CPVL: variants seen among roughly 807,000 people sequenced by gnomAD.
CPVL encodes carboxypeptidase vitellogenic like.
In CPVL, 51 loss-of-function variants were observed where a neutral mutation model predicts 63.7. That is an observed-to-expected ratio of 0.80 (90% CI 0.64 to 1.01). The LOEUF (loss-of-function observed/expected upper bound fraction) is 1.01. Ranked by LOEUF, CPVL falls within the 50% of genes least tolerant of loss-of-function variation. The pLI is 0.00. For missense variants in CPVL, 530 were observed against 573.1 expected, an observed-to-expected ratio of 0.92 and a Z score of 0.77; for synonymous variants, 195 against 206.0, an observed-to-expected ratio of 0.95 and a Z score of 0.46.
At chr7:29,195,310 G>T (rs1018847158), upstream of CPVL, 2 of 322,598 alleles carry the variant, frequency 6.2e-6, no homozygotes, top group Non-Finnish European at 5.6e-6. Context: ...CAGCTGGAGC[G>T]GGGGCTGGCG....
intron 5 of CPVL, among the ~76,000 whole-genome samples, chr7:29,167,639 A>G (rs1796084827): frequency 6.6e-6 from 1 of 152,116 alleles, no homozygotes; most frequent in African/African-American, 2.4e-5. Context: ...AAAAGTGTGT[A>G]AGTGTTTTTA....
chr7:29,104,806 G>A (rs1787560281), intron 3 of CPVL, among the ~76,000 whole-genome samples: 1 of 152,160 alleles, frequency 6.6e-6, no homozygotes, highest in Non-Finnish European at 1.5e-5. Flanking sequence ...GGGAGGTGTG[G>A]AGAAGACACC....
chr7:29,112,276 G>C (rs1451048367), intron 3 of CPVL, among the ~76,000 whole-genome samples: 1 of 152,076 alleles, frequency 6.6e-6, no homozygotes, highest in Admixed American at 6.5e-5. Context: ...GCTATACAAG[G>C]CCATGGCTGA....
intron 11 of CPVL, among the ~76,000 whole-genome samples, chr7:29,041,613 AAC>A (rs1385820434): frequency 1.3e-5 from 2 of 152,188 alleles, no homozygotes; most frequent in African/African-American, 2.4e-5. Flanking sequence ...TTAATTAACA[AAC>A]ACACATTTGC....
At chr7:29,074,618 G>A (rs1474731786) in intron 7 of CPVL, among the ~76,000 whole-genome samples, 1 of 151,784 alleles carries the variant, frequency 6.6e-6, no homozygotes, top group East Asian at 1.9e-4. Flanking sequence ...GGATCTGGTG[G>A]GAGGTGATTG....
At chr7:29,074,291 T>C (rs1784021420) in intron 7 of CPVL, among the ~76,000 whole-genome samples, 1 of 152,254 alleles carries the variant, frequency 6.6e-6, no homozygotes, top group African/African-American at 2.4e-5. Context: ...TATCCATTCA[T>C]ACTTGTAAGT....
intron 2 of CPVL, among the ~76,000 whole-genome samples, chr7:29,186,185 T>C (rs1387665131): frequency 6.6e-6 from 1 of 152,140 alleles, no homozygotes; most frequent in Non-Finnish European, 1.5e-5. Flanking sequence ...GCCAGGGCCC[T>C]TGGGGTCAGG....
chr7:29,096,439 A>T (rs1584250402), intron 3 of CPVL: 1 of 556,598 alleles, frequency 1.8e-6, no homozygotes, highest in Non-Finnish European at 3.2e-6. Flanking sequence ...TCTTCTTATC[A>T]TGCAGTCAAG....
At chr7:29,166,441 G>A (rs1258321591) in intron 5 of CPVL, among the ~76,000 whole-genome samples, 1 of 152,068 alleles carries the variant, frequency 6.6e-6, no homozygotes, top group Non-Finnish European at 1.5e-5. Context: ...ATCTTGGCTT[G>A]ATGTGTTTTC....
At chr7:29,082,632 A>T (rs943803495) in intron 7 of CPVL, 3 of 152,220 alleles carry the variant, frequency 2.0e-5, no homozygotes, top group African/African-American at 4.8e-5. Context: ...ATCTCCTGAC[A>T]ATGGCATCTC....
chr7:29,190,598 G>GAT (rs1782765381), intron 1 of CPVL, among the ~76,000 whole-genome samples: 3 of 152,186 alleles, frequency 2.0e-5, no homozygotes, highest in African/African-American at 7.2e-5. Flanking sequence ...GTGAAGGAGG[G>GAT]TGGGGTGGGG....
At chr7:29,077,544 T>C (rs1232146583) in intron 7 of CPVL, among the ~76,000 whole-genome samples, 1 of 152,154 alleles carries the variant, frequency 6.6e-6, no homozygotes, top group Non-Finnish European at 1.5e-5. Flanking sequence ...AGGGTCATTC[T>C]AAGCTCCCTG....
Position 29,069,419 on chromosome 7 carries a change from C to T in CPVL, c.864+2354G>A, listed in dbSNP as rs1468722364. Among the ~76,000 whole-genome samples, 3 of 117,810 alleles carry T rather than the reference C, an allele frequency of 2.5e-5. No individual in the cohort carries two copies. In the Admixed American group the frequency reaches 3.4e-4, roughly 13 times the overall value. The allele number at this position is 117,810 out of a possible 152,430, so 77.3% of individuals were successfully genotyped here. ...TCTTGCCACTGCACTCCAGCCTGGG[C>T]AAGAGAGCGAGACTCCGTCTCAAAA... On this transcript the variant is annotated intron_variant, in intron 9 of 12. Coordinates refer to ENST00000265394, the MANE Select transcript of CPVL (RefSeq NM_031311.5).
chr7:29,071,713 G>GCCCC, intron 9 of CPVL, 60 bp downstream of exon 9: 2 of 273,500 alleles, frequency 7.3e-6, no homozygotes, highest in South Asian at 3.5e-5. Flanking sequence ...CTGCTCACCC[G>GCCCC]CCCTCCCTCC....
rs191602097 is a variant in CPVL, at chr7:29,174,966, T to C, written c.-11+6324A>G. Among the ~76,000 whole-genome samples, 47 of 152,130 alleles carry C rather than the reference T, an allele frequency of 3.1e-4. 1 individual carries two copies. Among genetic ancestry groups the C allele is most frequent in the Middle Eastern group, 3.4e-3 (1 of 294 alleles). ...CTATAAATGAAAAATATAAAAATTG[T>C]ATTCATCTCAGTTGATAAGCAGCAG... On this transcript the variant is annotated intron_variant, in intron 5 of 16. Transcript: ENST00000409850.
chr7:29,083,418 A>G (rs1784927587), intron 7 of CPVL, among the ~76,000 whole-genome samples: 1 of 152,144 alleles, frequency 6.6e-6, no homozygotes, highest in African/African-American at 2.4e-5. Context: ...CATTCTGGCC[A>G]ATTTGTATAT....
At chr7:29,011,499 T>C (rs1053830491) in intron 12 of CPVL, 1 of 152,228 alleles carries the variant, frequency 6.6e-6, no homozygotes, top group Non-Finnish European at 1.5e-5. Context: ...TTGTTGAGCC[T>C]GGGAGTTCAA....
intron 5 of CPVL, among the ~76,000 whole-genome samples, chr7:29,180,515 G>A (rs7783103): frequency 0.12 from 17,727 of 150,384 alleles, 1,202 homozygotes; most frequent in East Asian, 0.23. Flanking sequence ...GCGACAGAGC[G>A]ACAGAGCAAC....
chr7:29,088,813 A>G (rs370968967), intron 6 of CPVL, among the ~76,000 whole-genome samples: 1 of 152,126 alleles, frequency 6.6e-6, no homozygotes, highest in South Asian at 2.1e-4. Flanking sequence ...CGTTTCTACT[A>G]AAAATACAAA....
Sources: gnomAD v4.1 joint callset for allele counts (sites outside exome capture counted in the v4.1 genomes callset) on GRCh38, gnomAD v4.1.1 for gene constraint, MANE v1.5 for transcripts, NCBI Gene and HGNC (gene_info 2026-07-23, HGNC 2026-07-21) for gene names.